EML6: variants seen among roughly 807,000 people sequenced by gnomAD.
EML6 encodes echinoderm microtubule-associated protein-like 6.
In EML6, 154 loss-of-function variants were observed where a neutral mutation model predicts 240.1. That is an observed-to-expected ratio of 0.64 (90% CI 0.56 to 0.73). The LOEUF (loss-of-function observed/expected upper bound fraction) is 0.73. Ranked by LOEUF, EML6 falls within the 30% of genes least tolerant of loss-of-function variation. EML6 has a pLI of 0.00. For missense variants in EML6, 2,964 were observed against 2,474.6 expected, an observed-to-expected ratio of 1.20 and a Z score of -4.20; for synonymous variants, 1,148 against 899.0, an observed-to-expected ratio of 1.28 and a Z score of -4.95.
intron 2 of EML6, among the ~76,000 whole-genome samples, chr2:54,765,513 T>C (rs1465499754): frequency 6.6e-6 from 1 of 152,174 alleles, no homozygotes; most frequent in Non-Finnish European, 1.5e-5. Flanking sequence ...CAGGTTGGAG[T>C]GCAGTGGCAC....
intron 2 of EML6, among the ~76,000 whole-genome samples, chr2:54,803,767 C>G (rs947542213): frequency 1.3e-5 from 2 of 152,152 alleles, no homozygotes; most frequent in African/African-American, 4.8e-5. Context: ...GGAGAAAATA[C>G]TTCCAGGATT....
In EML6 at chr2:54,885,410, G is replaced by A. The variant is rs567569939; in HGVS notation, c.2439-5644G>A. Among the ~76,000 whole-genome samples the A allele has an allele frequency of 2.0e-5, 3 of 151,908 alleles. No individual in the cohort carries two copies. In the South Asian group the frequency reaches 6.2e-4, roughly 32 times the overall value. The stretch of plus-strand genomic sequence containing the variant: ...TGTAGTGAGCCGAGATCATGCCACT[G>A]CATTCCAGCCTGGGCAACAAGAACG... On this transcript the variant is annotated intron_variant, in intron 17 of 41. Coordinates refer to ENST00000356458, the MANE Select transcript of EML6 (RefSeq NM_001039753.4).
At chr2:54,791,503 A>G (rs59871748) in intron 2 of EML6, among the ~76,000 whole-genome samples, 9 of 152,184 alleles carry the variant, frequency 5.9e-5, no homozygotes, top group South Asian at 2.1e-4. Context: ...TTCACCAGCA[A>G]TGTAAACCCT....
At chr2:54,798,453 G>A (rs551602464) in intron 2 of EML6, among the ~76,000 whole-genome samples, 31 of 152,222 alleles carry the variant, frequency 2.0e-4, no homozygotes, top group Non-Finnish European at 3.2e-4. Context: ...GATTACAGGC[G>A]TGAGCGACCA....
Position 54,965,722 on chromosome 2 carries a change from G to T in EML6, c.5493+989G>T, listed in dbSNP as rs1369650327. Among the ~76,000 whole-genome samples, 5 of 152,094 alleles carry T rather than the reference G, an allele frequency of 3.3e-5. No homozygotes were observed. In the South Asian group the frequency reaches 1.0e-3, roughly 32 times the overall value. The stretch of plus-strand genomic sequence containing the variant: ...TGAGCCAGTGTATTGATCTGGGTGG[G>T]GCCAGCTGATCCATCAAGTGCACGG... On this transcript the variant is annotated intron_variant, in intron 38 of 41. Coordinates refer to ENST00000356458, the MANE Select transcript of EML6 (RefSeq NM_001039753.4).
chr2:54,824,647 C>T (rs952034727), intron 5 of EML6, among the ~76,000 whole-genome samples: 3 of 152,118 alleles, frequency 2.0e-5, no homozygotes, highest in African/African-American at 7.2e-5. Context: ...TTATCTGAAA[C>T]GAATGCTTGA....
At chr2:54,894,845 C>A (rs542598905) in intron 19 of EML6, 70 bp from the exon 20 acceptor site, 85 of 1,013,938 alleles carry the variant, frequency 8.4e-5, no homozygotes, top group Middle Eastern at 8.2e-4. Context: ...TGCGGGGAAT[C>A]CTCCTGGGGC....
At chr2:54,812,395 T>C (rs1667890944) in intron 2 of EML6, among the ~76,000 whole-genome samples, 2 of 152,302 alleles carry the variant, frequency 1.3e-5, no homozygotes, top group South Asian at 4.1e-4. Context: ...AAATTTGTAT[T>C]TGTTGATTGT....
rs1673164736 is a variant in EML6 at position 54,903,444 on chromosome 2, G to C, written c.3351G>C (p.Arg1117Ser). ...TTTACAACGTACTTACAAGCAAAAG[G>C]GTTGGCATCTGTAAAGGTGCTTCTA... ...VDIYNVLTSKRVGICKGASSY... is the reference protein window; with the variant it reads ...VDIYNVLTSKSVGICKGASSY... Residue 1117 changes from arginine to serine, a missense_variant, in exon 24 of 42, where the codon AGG (arginine) becomes AGC (serine). Arg to Ser is a moderately radical substitution (Grantham distance 110). Coordinates refer to ENST00000356458, the MANE Select transcript of EML6 (RefSeq NM_001039753.4). 1.3e-6 allele frequency: 2 copies of C among 1,551,790 alleles called. No homozygotes were observed. Among genetic ancestry groups the C allele is most frequent in the East Asian group, 2.4e-5 (1 of 40,912 alleles).
chr2:54,854,943 C>T (rs1670291999), intron 11 of EML6, among the ~76,000 whole-genome samples: 1 of 152,122 alleles, frequency 6.6e-6, no homozygotes, highest in Non-Finnish European at 1.5e-5. Context: ...TGAGAAGAAA[C>T]AACATTGGGG....
intron 8 of EML6, among the ~76,000 whole-genome samples, chr2:54,845,797 G>A (rs764878219): frequency 6.6e-6 from 1 of 152,152 alleles, no homozygotes; most frequent in Non-Finnish European, 1.5e-5. Context: ...GAAGGGATGT[G>A]CCCCATCCCT....
At chr2:54,728,111 A>G (rs191315607) in intron 2 of EML6, among the ~76,000 whole-genome samples, 3 of 152,370 alleles carry the variant, frequency 2.0e-5, no homozygotes, top group East Asian at 1.9e-4. Flanking sequence ...AGATGATGCC[A>G]TATTTTAGAC....
chr2:54,853,883 A>G (rs1423918319), intron 11 of EML6, 28 bp downstream of exon 11: 27 of 1,462,680 alleles, frequency 1.8e-5, no homozygotes, highest in Non-Finnish European at 2.2e-5. Flanking sequence ...GTTTCATTGC[A>G]TAAAGATTTA....
chr2:54,850,061 T>C lies in EML6; in HGVS notation c.1287T>C (p.Asp429=), dbSNP rs754049914. 46 of 1,552,002 alleles carry C rather than the reference T, an allele frequency of 3.0e-5. No individual in the cohort carries two copies. The highest frequency in any genetic ancestry group is 4.1e-5 in the African/African-American group (3 of 73,052). ...CTTACCTTGCAGTGGGATCCAATGA[T>C]GGCCCAGTAGATGTCTATGCTGTTG... is the stretch of plus-strand genomic sequence containing the variant. ...DGSYLAVGSN[D]GPVDVYAVAQ... Residue 429 remains aspartate (D), a synonymous_variant, in exon 10 of 42, where the codon GAT becomes GAC. Coordinates refer to ENST00000356458, the MANE Select transcript of EML6 (RefSeq NM_001039753.4).
At chr2:54,759,016 G>A (rs756738539) in intron 2 of EML6, among the ~76,000 whole-genome samples, 2 of 151,682 alleles carry the variant, frequency 1.3e-5, no homozygotes, top group Non-Finnish European at 2.9e-5. Flanking sequence ...CAAAAAATAG[G>A]GATGGAGTGC....
chr2:54,911,086 T>C, intron 25 of EML6, 44 bp downstream of exon 25: 1 of 1,004,226 alleles, frequency 1.0e-6, no homozygotes, highest in Non-Finnish European at 1.5e-6. Flanking sequence ...TTTGTGAAGA[T>C]TTAATATGTG....
intron 24 of EML6, among the ~76,000 whole-genome samples, chr2:54,908,715 C>T (rs1305931059): frequency 1.3e-5 from 2 of 152,150 alleles, no homozygotes; most frequent in Non-Finnish European, 2.9e-5. Flanking sequence ...GGCCCAGCCT[C>T]GGCTGCCCCA....
chr2:54,962,710 A>T lies in EML6; in HGVS notation c.5156A>T (p.Lys1719Met). The change falls in exon 36 of 42, where the codon AAG (lysine) becomes ATG (methionine). Residue 1719 changes from lysine (K) to methionine (M), a missense_variant and splice_region_variant. Transcript: ENST00000356458. ...GCCCGGATCTGGGACCTGGCTGACA[A>T]GGTGAGGCCGACTCTGCCCAAACTC... ...GTARIWDLAD[K>M]KLLNKVSLGH... 5 of 1,477,214 alleles carry T rather than the reference A, an allele frequency of 3.4e-6. No homozygotes were observed. The highest frequency in any genetic ancestry group is 4.5e-6 in the Non-Finnish European group (5 of 1,110,226). The allele number at this position is 1,477,214 out of a possible 1,614,324, so 91.5% of individuals were successfully genotyped here. A position where few individuals can be genotyped will look rare whatever the true frequency, so the allele number is the denominator to read the frequency against.
In EML6 at chr2:54,903,082, T is replaced by G. The variant is rs1328679020; in HGVS notation, c.3163T>G (p.Leu1055Val). The change falls in exon 23 of 42, where the codon TTA (leucine) becomes GTA (valine). Residue 1055 changes from leucine to valine, a missense_variant. Transcript: ENST00000356458. ...CCAFSPDGKA[L>V]AVGLNDGSFL... ...TGCCTTTTCCCCTGATGGGAAAGCC[T>G]TAGCGGTTGGCTTGAACGATGGGAG... 18 of 1,551,686 alleles carry G rather than the reference T, an allele frequency of 1.2e-5. No individual in the cohort carries two copies. In the East Asian group the frequency reaches 4.4e-4, roughly 38 times the overall value.
Sources: gnomAD v4.1 joint callset for allele counts (sites outside exome capture counted in the v4.1 genomes callset) on GRCh38, gnomAD v4.1.1 for gene constraint, MANE v1.5 for transcripts, NCBI Gene and HGNC (gene_info 2026-07-23, HGNC 2026-07-21) for gene names.